SYNPO2: variants seen among roughly 807,000 people sequenced by gnomAD.
The protein encoded by SYNPO2 is synaptopodin 2.
In SYNPO2, 56 loss-of-function variants were observed where a neutral mutation model predicts 85.0. The observed-to-expected ratio is 0.66, with a 90% CI of 0.53 to 0.82. The LOEUF is 0.82. Among genes scored for constraint, SYNPO2 ranks in the 40% least tolerant of loss-of-function variants. The pLI is 0.00. For synonymous variants in SYNPO2, 602 were observed against 591.1 expected (o/e 1.02, Z -0.27); for missense variants, 1,575 against 1,534.2 (o/e 1.03, Z -0.44).
At chr4:119,041,712 A>G (rs1738721529) in intron 4 of SYNPO2, among the ~76,000 whole-genome samples, 1 of 152,226 alleles carries the variant, frequency 6.6e-6, no homozygotes, top group African/African-American at 2.4e-5. Flanking sequence ...ACATTGAATG[A>G]ACTAATATGA....
intron 1 of SYNPO2, among the ~76,000 whole-genome samples, chr4:118,952,710 T>C (rs1734741876): frequency 6.6e-6 from 1 of 152,216 alleles, no homozygotes; most frequent in African/African-American, 2.4e-5. Context: ...TAGTAGGTAC[T>C]TCATTCATCA....
At chr4:118,851,752 C>A (rs923804247) in intron 1 of SYNPO2, among the ~76,000 whole-genome samples, 13 of 151,990 alleles carry the variant, frequency 8.6e-5, no homozygotes, top group African/African-American at 3.1e-4. Flanking sequence ...TCTTTAATGT[C>A]TTGCTTAATA....
intron 1 of SYNPO2, among the ~76,000 whole-genome samples, chr4:118,915,059 C>T (rs1306593779): frequency 1.3e-5 from 2 of 150,286 alleles, no homozygotes; most frequent in Non-Finnish European, 3.0e-5. Flanking sequence ...GTCTGAAAGC[C>T]TTCTAAAGCA....
At chr4:119,026,027 T>TTA (rs1737922289) in intron 2 of SYNPO2, among the ~76,000 whole-genome samples, 2 of 152,210 alleles carry the variant, frequency 1.3e-5, no homozygotes, top group African/African-American at 2.4e-5. Context: ...ACTCCATGAC[T>TTA]TAATGATTCA....
At chr4:118,957,507 A>C (rs911180216) in intron 1 of SYNPO2, among the ~76,000 whole-genome samples, 1 of 152,094 alleles carries the variant, frequency 6.6e-6, no homozygotes, top group Non-Finnish European at 1.5e-5. Flanking sequence ...TGTTTTTTTA[A>C]TCTGTAAAGG....
At chr4:118,925,433 T>C (rs1275292711) in intron 1 of SYNPO2, among the ~76,000 whole-genome samples, 2 of 152,016 alleles carry the variant, frequency 1.3e-5, no homozygotes, top group Admixed American at 1.3e-4. Flanking sequence ...CCCACTCCAG[T>C]GGCATGTTTT....
rs774728048 is a variant in SYNPO2 at position 118,888,987 on chromosome 4, G to T, written c.-50G>T. 1 of 1,595,104 alleles carries T rather than the reference G, an allele frequency of 6.3e-7. No homozygotes were observed. Among genetic ancestry groups the T allele is most frequent in the South Asian group, 1.1e-5 (1 of 90,442 alleles). ...AGTGCGCATCCTCTACCGCACCCAA[G>T]CTTCGTCTGTCTCGTCAAGCTCTTC... On this transcript the variant is annotated 5_prime_UTR_variant, in exon 1 of 5. Transcript: ENST00000307142.
chr4:118,980,593 A>G (rs1735967978), intron 1 of SYNPO2, among the ~76,000 whole-genome samples: 2 of 152,184 alleles, frequency 1.3e-5, no homozygotes, highest in Admixed American at 6.5e-5. Flanking sequence ...ATTAACAGAG[A>G]CATATATGAT....
intron 1 of SYNPO2, among the ~76,000 whole-genome samples, chr4:118,890,547 T>TTCGGTTCTAATTCCA (rs1732328118): frequency 1.4e-5 from 2 of 145,180 alleles, no homozygotes; most frequent in East Asian, 2.6e-4. Flanking sequence ...ATTTAGCATA[T>TTCGGTTCTAATTCCA]GTAGAATTCA....
chr4:119,040,610 T>C (rs998739661), intron 4 of SYNPO2, among the ~76,000 whole-genome samples: 5 of 152,234 alleles, frequency 3.3e-5, no homozygotes, highest in Admixed American at 6.5e-5. Context: ...CAATGTTAAA[T>C]AGAATGAATG....
chr4:118,985,472 G>C (rs1385091448), intron 1 of SYNPO2, among the ~76,000 whole-genome samples: 1 of 152,134 alleles, frequency 6.6e-6, no homozygotes, highest in Non-Finnish European at 1.5e-5. Context: ...TCTTTTTTCA[G>C]TCTTCTCTTC....
At chr4:118,921,054 A>G (rs1311095857) in intron 1 of SYNPO2, among the ~76,000 whole-genome samples, 1 of 151,984 alleles carries the variant, frequency 6.6e-6, no homozygotes, top group Admixed American at 6.6e-5. Flanking sequence ...ACAAGCGCGC[A>G]TCAACACGCA....
At chr4:118,976,322 T>C (rs1466808301) in intron 1 of SYNPO2, among the ~76,000 whole-genome samples, 1 of 152,142 alleles carries the variant, frequency 6.6e-6, no homozygotes, top group African/African-American at 2.4e-5. Flanking sequence ...TTCCTCCCGC[T>C]GGGCTCGTGG....
chr4:118,876,898 C>T (rs1731936801), intron 1 of SYNPO2, among the ~76,000 whole-genome samples: 4 of 151,698 alleles, frequency 2.6e-5, no homozygotes, highest in Admixed American at 2.6e-4. Flanking sequence ...TGAAGCAATC[C>T]TTCAACCTCA....
At chr4:118,865,834 C>T (rs915363220) in intron 1 of SYNPO2, among the ~76,000 whole-genome samples, 2 of 152,048 alleles carry the variant, frequency 1.3e-5, no homozygotes, top group African/African-American at 4.8e-5. Context: ...TTAAGGAAAA[C>T]AATGGGTGAA....
At chr4:118,912,280 G>A (rs1157517943) in intron 1 of SYNPO2, among the ~76,000 whole-genome samples, 6 of 152,106 alleles carry the variant, frequency 3.9e-5, no homozygotes, top group South Asian at 2.1e-4. Flanking sequence ...TCCTGGGCTC[G>A]AATGAGCTTC....
chr4:119,039,096 A>T (rs1041830353), intron 4 of SYNPO2, among the ~76,000 whole-genome samples: 13 of 152,298 alleles, frequency 8.5e-5, no homozygotes, highest in Middle Eastern at 3.4e-3. Context: ...TAGAACCACT[A>T]ATAAGGTAAC....
At chr4:118,983,130 G>A (rs1209637253) in intron 1 of SYNPO2, among the ~76,000 whole-genome samples, 2 of 152,142 alleles carry the variant, frequency 1.3e-5, no homozygotes, top group African/African-American at 2.4e-5. Context: ...GATGGCCAAG[G>A]AGATTAGGTG....
Position 119,031,453 on chromosome 4 carries a change from T to G in SYNPO2, c.2678T>G (p.Val893Gly). Residue 893 changes from valine (V) to glycine (G), a missense_variant, in exon 4 of 5, where the codon GTG becomes GGG. Coordinates refer to ENST00000307142, the MANE Select transcript of SYNPO2 (RefSeq NM_133477.3). ...AAGTATGTGGTCGATTCAGACACGG[T>G]GCAGGCCCACGCTGCTCGAGCTCAG... Reference protein sequence around the residue: ...MEKYVVDSDTVQAHAARAQSP... With the variant: ...MEKYVVDSDTGQAHAARAQSP... 6.2e-7 allele frequency: 1 copy of G among 1,614,138 alleles called. No individual in the cohort carries two copies. Among genetic ancestry groups the G allele is most frequent in the Non-Finnish European group, 8.5e-7 (1 of 1,180,018 alleles).
Sources: gnomAD v4.1 joint callset for allele counts (sites outside exome capture counted in the v4.1 genomes callset) on GRCh38, gnomAD v4.1.1 for gene constraint, MANE v1.5 for transcripts, NCBI Gene and HGNC (gene_info 2026-07-23, HGNC 2026-07-21) for gene names.